VDAC1: variants seen among roughly 807,000 people sequenced by gnomAD.
VDAC1 encodes non-selective voltage-gated ion channel VDAC1.
VDAC1 carries 10 observed loss-of-function variants against 34.7 expected under a neutral mutation model. The observed-to-expected ratio is 0.29, with a 90% CI of 0.18 to 0.49. The LOEUF (loss-of-function observed/expected upper bound fraction) is 0.49, where lower values mean the gene tolerates loss of function less well. Among genes scored for constraint, VDAC1 ranks in the 20% least tolerant of loss-of-function variants. The probability of loss-of-function intolerance (pLI) is 0.99; values close to 1 mark genes in which losing one functional copy is unlikely to be tolerated. For synonymous variants in VDAC1, 130 were observed against 136.0 expected, an observed-to-expected ratio of 0.96 and a Z score of 0.30; for missense variants, 230 against 347.9, an observed-to-expected ratio of 0.66 and a Z score of 2.69.
chr5:134,016,248 T>C, the VDAC1 span, among the ~76,000 whole-genome samples: 1 of 152,190 alleles, frequency 6.6e-6, no homozygotes, highest in East Asian at 1.9e-4. Flanking sequence ...TCGGGCCCAG[T>C]GCTGGTACCT....
the VDAC1 span, among the ~76,000 whole-genome samples, chr5:134,090,727 C>T: frequency 2.0e-5 from 3 of 152,240 alleles, no homozygotes; most frequent in Non-Finnish European, 2.9e-5. Flanking sequence ...CCTAAACCAC[C>T]GAATGCTTCT....
chr5:134,048,605 A>G, the VDAC1 span, among the ~76,000 whole-genome samples: 1 of 152,112 alleles, frequency 6.6e-6, no homozygotes, highest in African/African-American at 2.4e-5. Context: ...CTTCATTACT[A>G]CTCATAAGAG....
At chr5:134,096,667 G>A in the VDAC1 span, among the ~76,000 whole-genome samples, 3 of 151,260 alleles carry the variant, frequency 2.0e-5, no homozygotes, top group South Asian at 2.1e-4. Flanking sequence ...GTGCAGTGGC[G>A]TGATCAACCT....
At chr5:133,976,602 C>G (rs894637745) in intron 6 of VDAC1, among the ~76,000 whole-genome samples, 13 of 151,240 alleles carry the variant, frequency 8.6e-5, no homozygotes, top group African/African-American at 2.9e-4. Flanking sequence ...ACTGCTTGAG[C>G]CCAGGATATA....
chr5:133,975,899 T>C lies in VDAC1; in HGVS notation c.674A>G (p.Tyr225Cys). Residue 225 changes from tyrosine to cysteine, a missense_variant, in exon 7 of 9, where the codon TAT becomes TGT. Coordinates refer to ENST00000265333, the MANE Select transcript of VDAC1 (RefSeq NM_003374.3). ...GAAGCAGGCGTCAGGGTCAATCTGA[T>C]ACTTGGCTGCTATTCCGAAGCGCGT... The part of the protein sequence containing the change: ...SNTRFGIAAK[Y>C]QIDPDACFSA... The C allele has an allele frequency of 6.2e-7, 1 of 1,611,844 alleles. No individual in the cohort carries two copies.
chr5:133,987,496 G>C (rs1410240732), intron 5 of VDAC1, among the ~76,000 whole-genome samples: 1 of 152,132 alleles, frequency 6.6e-6, no homozygotes, highest in African/African-American at 2.4e-5. Context: ...TGGCCAACCT[G>C]GTGAAACCTC....
chr5:134,051,659 G>C, the VDAC1 span, among the ~76,000 whole-genome samples: 2 of 132,006 alleles, frequency 1.5e-5, no homozygotes, highest in Non-Finnish European at 3.3e-5. Context: ...CCTAGTGCCT[G>C]GGCAGTTTGT....
the VDAC1 span, among the ~76,000 whole-genome samples, chr5:134,046,193 T>A: frequency 5.9e-5 from 1 of 16,884 alleles, no homozygotes; most frequent in African/African-American, 1.1e-4. Context: ...GCCCAGCTCA[T>A]TTTTTTTCTA....
chr5:134,018,935 G>A, the VDAC1 span, among the ~76,000 whole-genome samples: 3 of 152,028 alleles, frequency 2.0e-5, no homozygotes, highest in Admixed American at 6.6e-5. Flanking sequence ...CATCATCACC[G>A]GGAGGACTGC....
chr5:134,007,665 A>G (rs1753778383), upstream of VDAC1, among the ~76,000 whole-genome samples: 2 of 152,166 alleles, frequency 1.3e-5, no homozygotes, highest in Admixed American at 1.3e-4. Flanking sequence ...AGGGATGAGT[A>G]TGGCAGAGGG....
intron 5 of VDAC1, among the ~76,000 whole-genome samples, chr5:133,987,538 C>T (rs1314338563): frequency 1.3e-5 from 2 of 151,284 alleles, no homozygotes; most frequent in African/African-American, 4.9e-5. Flanking sequence ...ATTAGCTGGG[C>T]TTGGTGGCAC....
At chr5:133,989,422 C>T (rs542960667) in intron 5 of VDAC1, among the ~76,000 whole-genome samples, 22 of 150,146 alleles carry the variant, frequency 1.5e-4, no homozygotes, top group Non-Finnish European at 1.6e-4. Context: ...TGCAGTGGTG[C>T]GATCTCAGCT....
intron 6 of VDAC1, 82 bp downstream of exon 6, chr5:133,980,647 A>AC (rs1322664736): frequency 5.9e-5 from 61 of 1,029,422 alleles, no homozygotes; most frequent in South Asian, 5.8e-4. Context: ...AAAAAAAAAA[A>AC]AAAAAACAGT....
At chr5:133,984,626 T>C (rs750478325) in intron 5 of VDAC1, among the ~76,000 whole-genome samples, 32 of 152,146 alleles carry the variant, frequency 2.1e-4, no homozygotes, top group African/African-American at 6.8e-4. Context: ...GAATGCATCA[T>C]AGACAATCCC....
chr5:134,039,779 C>T, the VDAC1 span, among the ~76,000 whole-genome samples: 21 of 152,218 alleles, frequency 1.4e-4, no homozygotes, highest in East Asian at 5.8e-4. Flanking sequence ...CTCCCAAACC[C>T]TGCAGTCTCC....
chr5:134,107,405 A>G, the VDAC1 span, among the ~76,000 whole-genome samples: 1 of 151,918 alleles, frequency 6.6e-6, no homozygotes, highest in Admixed American at 6.6e-5. Flanking sequence ...CCGAGATGAA[A>G]TCTCTCTGTG....
the VDAC1 span, among the ~76,000 whole-genome samples, chr5:134,067,045 CT>C: frequency 5.3e-5 from 8 of 150,190 alleles, no homozygotes; most frequent in African/African-American, 2.0e-4. Flanking sequence ...CTTTTTCCCC[CT>C]CTTTTCCTGC....
At chr5:133,992,167 T>C (rs1753127162) in intron 3 of VDAC1, 139 bp downstream of exon 3, 1 of 481,442 alleles carries the variant, frequency 2.1e-6, no homozygotes, top group Non-Finnish European at 3.2e-6. Flanking sequence ...ACCCAAGAAG[T>C]GGAGGTTGTG....
chr5:133,978,359 A>T (rs575933320), intron 6 of VDAC1, among the ~76,000 whole-genome samples: 13 of 151,664 alleles, frequency 8.6e-5, no homozygotes, highest in Non-Finnish European at 1.6e-4. Flanking sequence ...CTGGTCCCAA[A>T]CTCCTGGCCT....
Sources: allele counts gnomAD v4.1 joint callset (sites outside exome capture counted in the v4.1 genomes callset), GRCh38; gene constraint gnomAD v4.1.1; transcripts MANE v1.5; gene names NCBI Gene and HGNC (gene_info 2026-07-23, HGNC 2026-07-21).